The following SCNN1B variants were observed in gnomAD, a reference collection of about 807,000 sequenced individuals.
The protein encoded by SCNN1B is sodium channel epithelial 1 subunit beta, also known as epithelial sodium channel subunit beta.
A neutral mutation model predicts 65.3 loss-of-function variants in SCNN1B; 46 were observed. The ratio of observed to expected loss-of-function variants is 0.70; its 90% CI spans 0.56 to 0.90. The LOEUF is 0.90. SCNN1B is among the 40% of genes least tolerant of loss of function. The pLI, the probability that SCNN1B is intolerant of heterozygous loss-of-function variation, is 0.00. For missense variants in SCNN1B, 751 were observed against 830.5 expected (o/e 0.90, Z 1.18); for synonymous variants, 349 against 330.6 (o/e 1.06, Z -0.60).
chr16:23,322,460 T>C (rs1386469403), intron 1 of SCNN1B, among the ~76,000 whole-genome samples: 3 of 148,834 alleles, frequency 2.0e-5, no homozygotes, highest in South Asian at 4.2e-4. Context: ...CCACCATGCT[T>C]GGCTAATTTT....
At chr16:23,291,894 T>A (rs1255859874) in intron 2 of SCNN1B, among the ~76,000 whole-genome samples, 1 of 152,012 alleles carries the variant, frequency 6.6e-6, no homozygotes, top group African/African-American at 2.4e-5. Flanking sequence ...GTCTCTGCAT[T>A]TATATAAATA....
intron 4 of SCNN1B, among the ~76,000 whole-genome samples, chr16:23,357,231 C>T (rs923869578): frequency 1.3e-5 from 2 of 152,228 alleles, no homozygotes; most frequent in African/African-American, 4.8e-5. Flanking sequence ...GAACTCAGAA[C>T]CTTCCAGAAC....
chr16:23,319,751 T>C (rs1961548834), intron 1 of SCNN1B, among the ~76,000 whole-genome samples: 1 of 152,084 alleles, frequency 6.6e-6, no homozygotes, highest in South Asian at 2.1e-4. Context: ...ATTATCAAAT[T>C]ATCTAGGAAA....
At chr16:23,379,067 A>C (rs1041304012) in intron 11 of SCNN1B, among the ~76,000 whole-genome samples, 1 of 141,594 alleles carries the variant, frequency 7.1e-6, no homozygotes, top group African/African-American at 2.7e-5. Context: ...TTCATCCTCC[A>C]TTCTCCCACC....
chr16:23,341,384 G>A (rs1172160054), intron 1 of SCNN1B, among the ~76,000 whole-genome samples: 1 of 152,052 alleles, frequency 6.6e-6, no homozygotes, highest in East Asian at 1.9e-4. Context: ...AGATCTTCAG[G>A]ACCTTGGATT....
At position 23,343,411 on chromosome 16, in the gene SCNN1B, G is replaced by A. The variant is rs1257265745; in HGVS notation, c.-8-5181G>A. Among the ~76,000 whole-genome samples, 6 of 149,928 alleles carry A rather than the reference G, an allele frequency of 4.0e-5. No homozygotes were observed. The East Asian group carries it at 5.9e-4, about 15-fold the overall frequency. On this transcript the variant is annotated intron_variant, in intron 1 of 12. Coordinates refer to ENST00000343070, the MANE Select transcript of SCNN1B (RefSeq NM_000336.3). ...AGGTTGCAGTGAGCTGAGGTCACGC[G>A]ATCGCACTCCAGCCTGGGCAACAAG...
intron 1 of SCNN1B, among the ~76,000 whole-genome samples, chr16:23,302,787 C>T (rs570601377): frequency 6.6e-6 from 1 of 152,150 alleles, no homozygotes; most frequent in Non-Finnish European, 1.5e-5. Context: ...AACTCGAGAG[C>T]GCTTTCTACG....
At chr16:23,355,072 G>A (rs1421394666) in intron 3 of SCNN1B, among the ~76,000 whole-genome samples, 1 of 152,122 alleles carries the variant, frequency 6.6e-6, no homozygotes, top group Non-Finnish European at 1.5e-5. Flanking sequence ...CTGGGGGTGG[G>A]TGCACCAGCC....
chr16:23,376,209 A>G (rs772158194), intron 8 of SCNN1B, among the ~76,000 whole-genome samples: 6 of 152,210 alleles, frequency 3.9e-5, no homozygotes, highest in Non-Finnish European at 7.4e-5. Context: ...CCAAGTGCAC[A>G]AGTGCAAAGG....
intron 7 of SCNN1B, among the ~76,000 whole-genome samples, 190 bp from the exon 8 acceptor site, chr16:23,375,548 C>T (rs553518559): frequency 2.0e-5 from 3 of 152,274 alleles, no homozygotes; most frequent in East Asian, 1.9e-4. Flanking sequence ...AGCCCAAAAG[C>T]GTCCAGGACT....
chr16:23,348,822 T>C lies in SCNN1B; in HGVS notation c.223T>C (p.Leu75=), dbSNP rs886922159. The change falls in exon 2 of 13, where the codon TTG becomes CTG. Residue 75 remains leucine, a synonymous_variant. Transcript: ENST00000343070. This position sits in a 1 kb window ranked among gnomAD's most constrained non-coding sequence, Gnocchi z 4.5. ...GTGGGGCATCTTCATCAGGACCTAC[T>C]TGAGCTGGGAGGTCAGCGTCTCCCT... is the stretch of plus-strand genomic sequence containing the variant. ...WQWGIFIRTY[L]SWEVSVSLSV... is the part of the protein sequence containing the mutation. 1 of 1,614,066 alleles carries C rather than the reference T, an allele frequency of 6.2e-7. No individual in the cohort carries two copies. The highest frequency in any genetic ancestry group is 8.5e-7 in the Non-Finnish European group (1 of 1,180,044).
chr16:23,328,822 G>A lies in SCNN1B; in HGVS notation c.-8-19770G>A, dbSNP rs570634611. On this transcript the variant is annotated intron_variant, in intron 1 of 12. Coordinates refer to ENST00000343070, the MANE Select transcript of SCNN1B (RefSeq NM_000336.3). Reference sequence around the variant, plus strand: ...TTGTTTGTTTGTTTTTTGAGACAGGGTCTCGCTCTGTCACCCAGGCTGGAG... The same window carrying A: ...TTGTTTGTTTGTTTTTTGAGACAGGATCTCGCTCTGTCACCCAGGCTGGAG... 4.5e-4 allele frequency among the ~76,000 whole-genome samples: 69 copies of A among 152,132 alleles called. 1 individual carries two copies. Among genetic ancestry groups the A allele is most frequent in the Non-Finnish European group, 8.4e-4 (57 of 68,026 alleles).
In SCNN1B at chr16:23,380,626, A is replaced by G; in HGVS notation, c.1748A>G (p.Glu583Gly). 1 of 1,613,656 alleles carries G rather than the reference A, an allele frequency of 6.2e-7. No individual in the cohort carries two copies. The highest frequency in any genetic ancestry group is 8.5e-7 in the Non-Finnish European group (1 of 1,179,804). Residue 583 changes from glutamate to glycine, a missense_variant, in exon 13 of 13, where the codon GAG (glutamate) becomes GGG (glycine). Transcript: ENST00000343070. The surrounding 1 kb of genome is among the most constrained non-coding windows in gnomAD (Gnocchi z 5.4). ...GPPPTVAELV[E>G]AHTNFGFQPD... is the part of the protein sequence containing the mutation. ...CCGCCCACCGTGGCCGAGCTGGTGG[A>G]GGCCCACACCAACTTTGGCTTCCAG...
In SCNN1B at chr16:23,281,364, G is replaced by A. The variant is rs144218180; in HGVS notation, n.111-2373G>A. On this transcript the variant is annotated intron_variant and non_coding_transcript_variant, in intron 1 of 3. Transcript: ENST00000569789. ...AGGAGAATCACTTGAACTCTGGAGTGGGAGGTTGCAGTGAGCCAAGACCAC... is the reference window on the plus strand; with the variant it reads ...AGGAGAATCACTTGAACTCTGGAGTAGGAGGTTGCAGTGAGCCAAGACCAC... Among the ~76,000 whole-genome samples the A allele has an allele frequency of 1.7e-3, 251 of 152,098 alleles. 1 individual carries two copies. The highest frequency in any genetic ancestry group is 2.9e-3 in the Non-Finnish European group (194 of 67,974).
intron 6 of SCNN1B, 35 bp from the exon 7 acceptor site, chr16:23,371,741 C>A: frequency 6.5e-7 from 1 of 1,532,934 alleles, no homozygotes; most frequent in South Asian, 1.1e-5. Flanking sequence ...CCTGGGGTGA[C>A]CAGTGTCCCC....
intron 2 of SCNN1B, among the ~76,000 whole-genome samples, chr16:23,296,196 A>T (rs1175666466): frequency 2.0e-5 from 3 of 152,136 alleles, no homozygotes; most frequent in Admixed American, 6.5e-5. Context: ...GGGCAGAAAC[A>T]AGAGGCCCAG....
chr16:23,328,293 G>C (rs1188689327), intron 1 of SCNN1B, among the ~76,000 whole-genome samples: 2 of 152,164 alleles, frequency 1.3e-5, no homozygotes, highest in African/African-American at 2.4e-5. Flanking sequence ...CTGTGATTTT[G>C]TGGACATTCT....
At chr16:23,291,330 T>A (rs1284501857) in intron 2 of SCNN1B, among the ~76,000 whole-genome samples, 1 of 152,136 alleles carries the variant, frequency 6.6e-6, no homozygotes, top group Non-Finnish European at 1.5e-5. Flanking sequence ...CCCAAAGTGC[T>A]GAGATTATAG....
chr16:23,361,871 G>A (rs1220107891), intron 4 of SCNN1B, among the ~76,000 whole-genome samples: 1 of 151,910 alleles, frequency 6.6e-6, no homozygotes, highest in Non-Finnish European at 1.5e-5. Flanking sequence ...ACACAATCGC[G>A]TGCCCGATTA....
Sources: gnomAD v4.1 joint callset for allele counts (sites outside exome capture counted in the v4.1 genomes callset) on GRCh38, gnomAD v4.1.1 for gene constraint, Gnocchi (gnomAD v3.1) non-coding constraint, MANE v1.5 for transcripts, NCBI Gene and HGNC (gene_info 2026-07-23, HGNC 2026-07-21) for gene names.